PLEKHA5: variants seen among roughly 807,000 people sequenced by gnomAD.
The protein encoded by PLEKHA5 is pleckstrin homology domain-containing family A member 5.
In PLEKHA5, 55 loss-of-function variants were observed where a neutral mutation model predicts 181.9. The observed-to-expected ratio is 0.30, with a 90% CI of 0.24 to 0.38. The LOEUF is 0.38. Among genes scored for constraint, PLEKHA5 ranks in the 10% least tolerant of loss-of-function variants. PLEKHA5 has a pLI of 1.00. For synonymous variants in PLEKHA5, 535 were observed against 529.4 expected, an observed-to-expected ratio of 1.01 and a Z score of -0.15; for missense variants, 1,432 against 1,549.5, an observed-to-expected ratio of 0.92 and a Z score of 1.27.
intron 3 of PLEKHA5, among the ~76,000 whole-genome samples, chr12:19,230,573 G>A (rs550690254): frequency 9.2e-5 from 14 of 152,286 alleles, no homozygotes; most frequent in Non-Finnish European, 1.5e-4. Flanking sequence ...TGGGGCACCC[G>A]GCGCCCCCTC....
Position 19,354,275 on chromosome 12 carries a change from C to T in PLEKHA5, c.3138+273C>T, listed in dbSNP as rs915317234. ...CACGCCATTCTCCTGCCTTAGCCTC[C>T]GGAGTAGCTGGGACTACAGGCGCCC... is the stretch of plus-strand genomic sequence containing the variant. On this transcript the variant is annotated intron_variant, in intron 26 of 31. Coordinates refer to ENST00000429027, the MANE Select transcript of PLEKHA5 (RefSeq NM_001256470.2). 9.7e-5 allele frequency among the ~76,000 whole-genome samples: 14 copies of T among 144,424 alleles called. No homozygotes were observed. The South Asian group carries it at 1.3e-3, about 14-fold the overall frequency. 94.7% of individuals were successfully genotyped at this position (144,424 alleles called of 152,430 possible).
chr12:19,322,497 T>A (rs2091120021), intron 19 of PLEKHA5, 21 bp from the exon 20 acceptor site: 1 of 1,611,888 alleles, frequency 6.2e-7, no homozygotes. Context: ...ACATTAAGTG[T>A]AATTCTTTTT....
At position 19,281,312 on chromosome 12, in the gene PLEKHA5, C is replaced by A. The variant is rs1354280938; in HGVS notation, c.1314-1968C>A. 3.9e-5 allele frequency among the ~76,000 whole-genome samples: 6 copies of A among 151,918 alleles called. No individual in the cohort carries two copies. The East Asian group carries it at 9.7e-4, about 25-fold the overall frequency. On this transcript the variant is annotated intron_variant, in intron 11 of 31. Coordinates refer to ENST00000429027, the MANE Select transcript of PLEKHA5 (RefSeq NM_001256470.2). ...CTAAAGGAAATGGAGGCCAGGCGCT[C>A]ACTCCTGTAATCCTGGCACTTTAGG...
At chr12:19,214,090 AGT>A (rs1323079020) in intron 3 of PLEKHA5, among the ~76,000 whole-genome samples, 1 of 152,164 alleles carries the variant, frequency 6.6e-6, no homozygotes, top group Non-Finnish European at 1.5e-5. Flanking sequence ...TTAAGGATGG[AGT>A]GTGTAAAATG....
Position 19,290,783 on chromosome 12 carries a change from C to T in PLEKHA5, c.1970C>T (p.Ala657Val). 1 of 1,534,174 alleles carries T rather than the reference C, an allele frequency of 6.5e-7. No homozygotes were observed. The highest frequency in any genetic ancestry group is 8.7e-7 in the Non-Finnish European group (1 of 1,145,206). ...CAGCTCATGCAGCTAAAGCTTGAGG[C>T]CCACAGCCCAAAGGTCAGCTATGGA... ...LAQLMQLKLE[A>V]HSPKNEILSH... Residue 657 changes from alanine (A) to valine (V), a missense_variant, in exon 14 of 32, where the codon GCC (alanine) becomes GTC (valine). Around this residue, in one of 2 missense-constraint regions of PLEKHA5, gnomAD observed 1,143 missense variants for 1,168.4 expected, o/e 0.98. Transcript: ENST00000429027.
intron 15 of PLEKHA5, among the ~76,000 whole-genome samples, chr12:19,297,024 G>T (rs1423960911): frequency 6.6e-6 from 1 of 152,008 alleles, no homozygotes; most frequent in Non-Finnish European, 1.5e-5. Flanking sequence ...TAACCTTCCT[G>T]CCAGATTTTC....
In PLEKHA5 at chr12:19,255,170, GTTA is replaced by G. The variant is rs2066511596; in HGVS notation, c.432+8_432+10del. The G allele has an allele frequency of 6.4e-7, 1 of 1,565,020 alleles. No homozygotes were observed. The highest frequency in any genetic ancestry group is 1.4e-5 in the African/African-American group (1 of 74,034). On this transcript the variant is annotated splice_donor_region_variant and intron_variant, in intron 5 of 31. Transcript: ENST00000429027. ...CCAATGAGCCCTGTAGGCAGAGTAA[GTTA>G]TTTTGCTTTATATTAATTATTGATA...
At chr12:19,147,669 A>G (rs1241232280) in intron 3 of PLEKHA5, among the ~76,000 whole-genome samples, 1 of 150,398 alleles carries the variant, frequency 6.6e-6, no homozygotes, top group Non-Finnish European at 1.5e-5. Flanking sequence ...GGGATGGTGG[A>G]GAGAGAAGTA....
chr12:19,289,638 G>C (rs7299776), intron 13 of PLEKHA5, among the ~76,000 whole-genome samples: 17,998 of 152,088 alleles, frequency 0.12, 1,083 homozygotes, highest in South Asian at 0.16. Context: ...ATATTAAATT[G>C]GCCCATTAAG....
rs150740690 is a variant in PLEKHA5 at position 19,222,970 on chromosome 12, A to T, written c.228-30970A>T. On this transcript the variant is annotated intron_variant, in intron 3 of 31. Transcript: ENST00000429027. ...GCATTTGATTGTTTTATGGAGAAGGAAGAAACAATAGATGTGAGTGAAATT... is the reference window on the plus strand; with the variant it reads ...GCATTTGATTGTTTTATGGAGAAGGTAGAAACAATAGATGTGAGTGAAATT... Among the ~76,000 whole-genome samples the T allele has an allele frequency of 3.0e-3, 450 of 151,382 alleles. 2 individuals carry two copies. Among genetic ancestry groups the T allele is most frequent in the African/African-American group, 0.011 (436 of 41,352 alleles).
chr12:19,214,464 A>G (rs2057556927), intron 3 of PLEKHA5, among the ~76,000 whole-genome samples: 1 of 152,198 alleles, frequency 6.6e-6, no homozygotes, highest in African/African-American at 2.4e-5. Flanking sequence ...AAATTCAACA[A>G]CATCAAAGAA....
chr12:19,299,289 G>A (rs973183535), intron 15 of PLEKHA5, among the ~76,000 whole-genome samples: 1 of 152,218 alleles, frequency 6.6e-6, no homozygotes, highest in African/African-American at 2.4e-5. Flanking sequence ...ATGAGATTCT[G>A]TAGAACTGTC....
At chr12:19,275,620 G>A (rs552060302) in intron 11 of PLEKHA5, among the ~76,000 whole-genome samples, 40 of 152,142 alleles carry the variant, frequency 2.6e-4, no homozygotes, top group South Asian at 6.2e-4. Flanking sequence ...TTAAAAATTA[G>A]CCAAGCATAG....
At chr12:19,300,441 C>T (rs981755966) in intron 15 of PLEKHA5, among the ~76,000 whole-genome samples, 1 of 152,134 alleles carries the variant, frequency 6.6e-6, no homozygotes, top group African/African-American at 2.4e-5. Flanking sequence ...TACTATTTTA[C>T]AGTTACAAAA....
intron 3 of PLEKHA5, among the ~76,000 whole-genome samples, chr12:19,172,978 A>T (rs1203901883): frequency 2.3e-5 from 3 of 129,410 alleles, no homozygotes; most frequent in African/African-American, 8.9e-5. Context: ...TTTTTTTTTT[A>T]AAGAAAATTG....
At chr12:19,297,197 G>A in intron 15 of PLEKHA5, among the ~76,000 whole-genome samples, 1 of 151,832 alleles carries the variant, frequency 6.6e-6, no homozygotes, top group Middle Eastern at 3.2e-3. Context: ...AACCCCCCCA[G>A]AATTATGATA....
chr12:19,172,895 G>C (rs2046240901), intron 3 of PLEKHA5, among the ~76,000 whole-genome samples: 1 of 148,492 alleles, frequency 6.7e-6, no homozygotes, highest in African/African-American at 2.5e-5. Context: ...TGTTAAAGTA[G>C]TGGTGGTGAT....
chr12:19,241,423 G>A (rs565512811), intron 3 of PLEKHA5, among the ~76,000 whole-genome samples: 1 of 152,216 alleles, frequency 6.6e-6, no homozygotes, highest in South Asian at 2.1e-4. Flanking sequence ...TGTTGTACAC[G>A]ATAAATACAT....
At chr12:19,362,361 C>T (rs545434898) in intron 29 of PLEKHA5, among the ~76,000 whole-genome samples, 1 of 151,878 alleles carries the variant, frequency 6.6e-6, no homozygotes, top group Admixed American at 6.6e-5. Context: ...TGGTAAAACC[C>T]TGTCTCTACT....
Sources: allele counts gnomAD v4.1 joint callset (sites outside exome capture counted in the v4.1 genomes callset), GRCh38; gene constraint gnomAD v4.1.1; regional missense constraint gnomAD v4.1.1; transcripts MANE v1.5; gene names NCBI Gene and HGNC (gene_info 2026-07-23, HGNC 2026-07-21).